The following DTNA variants were observed in gnomAD, a reference collection of about 807,000 sequenced individuals.
DTNA encodes dystrobrevin alpha.
In DTNA, 43 loss-of-function variants were observed where a neutral mutation model predicts 100.7. The ratio of observed to expected loss-of-function variants is 0.43; its 90% CI spans 0.33 to 0.55. The LOEUF is 0.55. Ranked by LOEUF, DTNA falls within the 20% of genes least tolerant of loss-of-function variation. The probability of loss-of-function intolerance (pLI) is 0.04; values close to 1 mark genes in which losing one functional copy is unlikely to be tolerated. For missense variants in DTNA, 798 were observed against 953.9 expected (o/e 0.84, Z 2.15); for synonymous variants, 349 against 347.9 (o/e 1.00, Z -0.04).
In DTNA at chr18:34,890,252, C is replaced by T. The variant is rs750133405; in HGVS notation, c.*2518C>T. ...CCATTGCAAGGACTCTGGAAACTGC[C>T]GCCAATGACCAATTTCTGACTAACC... On this transcript the variant is annotated 3_prime_UTR_variant, in exon 23 of 23. Coordinates refer to ENST00000444659, the MANE Select transcript of DTNA (RefSeq NM_001386795.1). 100 of 1,515,446 alleles carry T rather than the reference C, an allele frequency of 6.6e-5. No homozygotes were observed. The South Asian group carries it at 9.9e-4, about 15-fold the overall frequency. 93.9% of individuals were successfully genotyped at this position (1,515,446 alleles called of 1,614,324 possible). A position where few individuals can be genotyped will look rare whatever the true frequency, so the allele number is the denominator to read the frequency against.
chr18:34,746,052 T>C (rs554502307), intron 1 of DTNA, among the ~76,000 whole-genome samples: 4 of 152,270 alleles, frequency 2.6e-5, no homozygotes, highest in Non-Finnish European at 4.4e-5. Flanking sequence ...TATTCCAAAA[T>C]ATTTTACTTT....
intron 1 of DTNA, among the ~76,000 whole-genome samples, chr18:34,526,032 C>T (rs2042581980): frequency 6.6e-6 from 1 of 152,208 alleles, no homozygotes. Flanking sequence ...TTTCGGAACA[C>T]GAAGCTATGG....
At position 34,848,351 on chromosome 18, in the gene DTNA, G is replaced by A; in HGVS notation, c.1402G>A (p.Ala468Thr). The A allele has an allele frequency of 6.2e-7, 1 of 1,614,064 alleles. No individual in the cohort carries two copies. Among genetic ancestry groups the A allele is most frequent in the Non-Finnish European group, 8.5e-7 (1 of 1,179,964 alleles). ...DEEHRLIARY[A>T]ARLAAESSSS... ...AGAACACAGGCTAATTGCCAGGTAT[G>A]CGGCAAGGCTGGCAGCAGAGTCCTC... The change falls in exon 14 of 23, where the codon GCG (alanine) becomes ACG (threonine). Residue 468 changes from alanine (A) to threonine (T), a missense_variant. By Grantham distance (58) the Ala-to-Thr change is moderately conservative (BLOSUM62 0). Around this residue, in one of 6 missense-constraint regions of DTNA, gnomAD observed 159 missense variants for 201.2 expected, o/e 0.79. Transcript: ENST00000444659.
chr18:34,731,383 G>T (rs2088144515), intron 1 of DTNA, among the ~76,000 whole-genome samples: 1 of 152,056 alleles, frequency 6.6e-6, no homozygotes, highest in Non-Finnish European at 1.5e-5. Context: ...GGAGGCTGAG[G>T]CAGGAGAATG....
At chr18:34,773,273 A>G (rs550565639) in intron 3 of DTNA, among the ~76,000 whole-genome samples, 26 of 152,360 alleles carry the variant, frequency 1.7e-4, no homozygotes, top group African/African-American at 6.0e-4. Flanking sequence ...ATGTGACACC[A>G]TGCACCAGGA....
At chr18:34,639,326 CA>C (rs1023308211) in intron 1 of DTNA, among the ~76,000 whole-genome samples, 3 of 152,198 alleles carry the variant, frequency 2.0e-5, no homozygotes, top group African/African-American at 7.2e-5. Context: ...CCAGTTGTGA[CA>C]ACCAAAACTG....
intron 16 of DTNA, among the ~76,000 whole-genome samples, chr18:34,861,151 T>C (rs1483734501): frequency 6.6e-6 from 1 of 152,160 alleles, no homozygotes; most frequent in Non-Finnish European, 1.5e-5. Flanking sequence ...TAAACCCATA[T>C]TAAAATTTTG....
chr18:34,562,273 CT>C (rs1240763780), intron 1 of DTNA, among the ~76,000 whole-genome samples: 3 of 152,196 alleles, frequency 2.0e-5, no homozygotes, highest in African/African-American at 7.2e-5. Flanking sequence ...AACCCTGCCC[CT>C]AGTTTCACAT....
intron 2 of DTNA, among the ~76,000 whole-genome samples, chr18:34,756,319 G>T (rs576091734): frequency 6.4e-4 from 97 of 152,234 alleles, no homozygotes; most frequent in African/African-American, 2.3e-3. Flanking sequence ...CACATACACA[G>T]ACAGTTGATA....
chr18:34,799,187 T>C (rs2095109708), intron 4 of DTNA, among the ~76,000 whole-genome samples: 1 of 152,180 alleles, frequency 6.6e-6, no homozygotes, highest in African/African-American at 2.4e-5. Flanking sequence ...GTCCATCACA[T>C]AATAGTCTTA....
At chr18:34,664,905 T>A (rs1307099763) in intron 1 of DTNA, among the ~76,000 whole-genome samples, 2 of 152,128 alleles carry the variant, frequency 1.3e-5, no homozygotes, top group Non-Finnish European at 2.9e-5. Flanking sequence ...GGGATCCCTT[T>A]TTTTAACCCC....
At chr18:34,788,060 T>G (rs368910465) in intron 3 of DTNA, among the ~76,000 whole-genome samples, 58 of 152,342 alleles carry the variant, frequency 3.8e-4, no homozygotes, top group African/African-American at 1.3e-3. Flanking sequence ...TCCTCCTATC[T>G]CCTGTGCCTA....
intron 1 of DTNA, among the ~76,000 whole-genome samples, chr18:34,624,051 G>A (rs117813267): frequency 6.6e-6 from 1 of 152,026 alleles, no homozygotes; most frequent in African/African-American, 2.4e-5. Flanking sequence ...TTACCCAAAG[G>A]CCTAGTGAAA....
chr18:34,707,308 T>C (rs1568271506), upstream of DTNA, among the ~76,000 whole-genome samples: 1 of 152,146 alleles, frequency 6.6e-6, no homozygotes, highest in Non-Finnish European at 1.5e-5. Flanking sequence ...TCTCAAAAAC[T>C]TTTTCTAAGT....
At chr18:34,764,272 C>T (rs1016613191) in intron 2 of DTNA, among the ~76,000 whole-genome samples, 4 of 152,134 alleles carry the variant, frequency 2.6e-5, no homozygotes, top group Non-Finnish European at 5.9e-5. Flanking sequence ...TGTTATCTCG[C>T]TTTATCCATG....
intron 1 of DTNA, among the ~76,000 whole-genome samples, chr18:34,636,043 G>A (rs904389811): frequency 2.0e-5 from 3 of 152,172 alleles, no homozygotes; most frequent in Non-Finnish European, 4.4e-5. Flanking sequence ...TGTTTCACGT[G>A]TGTGCACACA....
intron 1 of DTNA, among the ~76,000 whole-genome samples, chr18:34,696,248 T>C (rs751596990): frequency 6.6e-6 from 1 of 152,078 alleles, no homozygotes; most frequent in African/African-American, 2.4e-5. Flanking sequence ...AAATACACTA[T>C]TGACTTGAAA....
At chr18:34,868,924 G>T in intron 17 of DTNA, 2 of 296,552 alleles carry the variant, frequency 6.7e-6, no homozygotes, top group Non-Finnish European at 1.0e-5. Context: ...GGGTATAATT[G>T]CAGTACCAAT....
At chr18:34,758,403 G>C (rs1054814122) in intron 2 of DTNA, among the ~76,000 whole-genome samples, 1 of 152,190 alleles carries the variant, frequency 6.6e-6, no homozygotes, top group African/African-American at 2.4e-5. Flanking sequence ...AACAGGCAGG[G>C]AAGACTTTTA....
Sources: allele counts gnomAD v4.1 joint callset (sites outside exome capture counted in the v4.1 genomes callset), GRCh38; gene constraint gnomAD v4.1.1; regional missense constraint gnomAD v4.1.1; transcripts MANE v1.5; gene names NCBI Gene and HGNC (gene_info 2026-07-23, HGNC 2026-07-21).